Variants in KCNIP4 observed in about 807,000 individuals in gnomAD.
The protein encoded by KCNIP4 is Kv channel-interacting protein 4.
A neutral mutation model predicts 34.0 loss-of-function variants in KCNIP4; 12 were observed. The ratio of observed to expected loss-of-function variants is 0.35; its 90% CI spans 0.23 to 0.57. The LOEUF (loss-of-function observed/expected upper bound fraction) is 0.57. Among genes scored for constraint, KCNIP4 ranks in the 20% least tolerant of loss-of-function variants. The probability of loss-of-function intolerance (pLI) is 0.83; values close to 1 mark genes in which losing one functional copy is unlikely to be tolerated. For missense variants in KCNIP4, 238 were observed against 311.7 expected, an observed-to-expected ratio of 0.76 and a Z score of 1.78; for synonymous variants, 124 against 102.2, an observed-to-expected ratio of 1.21 and a Z score of -1.29.
chr4:21,722,497 G>A (rs1714887140), intron 1 of KCNIP4, among the ~76,000 whole-genome samples: 1 of 152,134 alleles, frequency 6.6e-6, no homozygotes, highest in Admixed American at 6.6e-5. Context: ...AATGAGCAAG[G>A]AGAGAAAATG....
rs924069866 is a variant in KCNIP4, at chr4:20,911,941, A to G, written c.62-29232T>C. On this transcript the variant is annotated intron_variant, in intron 1 of 8. Transcript: ENST00000382152. ...ATACCACACTGAAATTTCTGAAGCA[A>G]TAATCTGATCACTTTTTAATCCAGC... Among the ~76,000 whole-genome samples the G allele has an allele frequency of 2.0e-5, 3 of 152,180 alleles. No individual in the cohort carries two copies. In the East Asian group the frequency reaches 5.8e-4, roughly 29 times the overall value.
Position 21,127,344 on chromosome 4 carries a change from C to T in KCNIP4, c.62-244635G>A, listed in dbSNP as rs114929064. On this transcript the variant is annotated intron_variant, in intron 1 of 8. Coordinates refer to ENST00000382152, the MANE Select transcript of KCNIP4 (RefSeq NM_025221.6). ...ATCAACTCCCTAATACATCACTTGCCTTTAATTCCTTCTTTTGGGGTTTGC... is the reference window on the plus strand; with the variant it reads ...ATCAACTCCCTAATACATCACTTGCTTTTAATTCCTTCTTTTGGGGTTTGC... 3.1e-3 allele frequency among the ~76,000 whole-genome samples: 468 copies of T among 152,322 alleles called. 2 individuals carry two copies. The highest frequency in any genetic ancestry group is 0.011 in the African/African-American group (444 of 41,568).
chr4:21,751,277 C>A (rs1717134628), intron 1 of KCNIP4, among the ~76,000 whole-genome samples: 1 of 152,060 alleles, frequency 6.6e-6, no homozygotes, highest in Non-Finnish European at 1.5e-5. Flanking sequence ...TGTATGCAAA[C>A]AAACACACAA....
At chr4:21,385,977 T>C (rs1721990362) in intron 1 of KCNIP4, among the ~76,000 whole-genome samples, 1 of 152,214 alleles carries the variant, frequency 6.6e-6, no homozygotes, top group Admixed American at 6.6e-5. Flanking sequence ...CATGGGAACT[T>C]GATGATCTAA....
chr4:21,467,259 GGTTT>G (rs1285876986), intron 1 of KCNIP4, among the ~76,000 whole-genome samples: 11 of 152,050 alleles, frequency 7.2e-5, no homozygotes, highest in Admixed American at 6.6e-4. Context: ...AAGGCATTTT[GGTTT>G]GTTTGTATAA....
intron 1 of KCNIP4, among the ~76,000 whole-genome samples, chr4:21,580,231 T>A (rs1321771177): frequency 6.6e-6 from 1 of 152,078 alleles, no homozygotes; most frequent in African/African-American, 2.4e-5. Context: ...CAGAGACTCT[T>A]TTAGGCCTTA....
intron 1 of KCNIP4, among the ~76,000 whole-genome samples, chr4:21,220,253 G>A (rs927338404): frequency 5.3e-5 from 8 of 152,064 alleles, no homozygotes; most frequent in Admixed American, 5.2e-4. Flanking sequence ...CTCTAACCAT[G>A]GGCACAAATT....
chr4:20,980,080 T>G (rs1357276708), intron 1 of KCNIP4, among the ~76,000 whole-genome samples: 4 of 152,222 alleles, frequency 2.6e-5, no homozygotes, highest in African/African-American at 9.6e-5. Flanking sequence ...CCATTAAACC[T>G]TCTCTGGAGT....
At chr4:21,399,568 T>C (rs904187177) in intron 1 of KCNIP4, among the ~76,000 whole-genome samples, 1 of 151,894 alleles carries the variant, frequency 6.6e-6, no homozygotes, top group Non-Finnish European at 1.5e-5. Flanking sequence ...CAGTTTGAAC[T>C]GGCTTTTAAG....
At chr4:21,763,004 G>A in intron 1 of KCNIP4, 1 of 1,288,722 alleles carries the variant, frequency 7.8e-7, no homozygotes, top group Non-Finnish European at 1.0e-6. Flanking sequence ...GACAGCACTT[G>A]GTACACAGCG....
At chr4:21,513,013 G>T (rs534686644) in intron 1 of KCNIP4, among the ~76,000 whole-genome samples, 1 of 152,072 alleles carries the variant, frequency 6.6e-6, no homozygotes. Context: ...TGGAGTAAGC[G>T]GAAGATAAAT....
chr4:21,614,440 A>G (rs1744423523), intron 1 of KCNIP4, among the ~76,000 whole-genome samples: 1 of 150,364 alleles, frequency 6.7e-6, no homozygotes, highest in South Asian at 2.1e-4. Context: ...CCCAGCTGGA[A>G]AGATAAAGGG....
intron 1 of KCNIP4, among the ~76,000 whole-genome samples, chr4:21,788,651 G>T (rs115298696): frequency 1.1e-3 from 172 of 152,244 alleles, no homozygotes; most frequent in Non-Finnish European, 5.0e-4. Context: ...TACAAATACT[G>T]ATGTTTTAGT....
intron 1 of KCNIP4, among the ~76,000 whole-genome samples, chr4:21,313,528 C>T (rs1215449022): frequency 6.6e-6 from 1 of 152,060 alleles, no homozygotes; most frequent in African/African-American, 2.4e-5. Flanking sequence ...AATAAAAAAC[C>T]TATGATAACC....
chr4:21,876,791 G>A (rs1374805637), intron 1 of KCNIP4, among the ~76,000 whole-genome samples: 1 of 151,928 alleles, frequency 6.6e-6, no homozygotes, highest in Non-Finnish European at 1.5e-5. Context: ...AAAGAAAATG[G>A]TAGGACTATA....
intron 1 of KCNIP4, among the ~76,000 whole-genome samples, chr4:21,490,751 T>C (rs749244036): frequency 6.6e-6 from 1 of 152,198 alleles, no homozygotes; most frequent in Non-Finnish European, 1.5e-5. Context: ...TAAGGCTTAG[T>C]ACAGCTTGAT....
rs73101722 is a variant in KCNIP4 at position 21,031,863 on chromosome 4, A to G, written c.62-149154T>C. Among the ~76,000 whole-genome samples the G allele has an allele frequency of 3.3e-3, 500 of 152,332 alleles. 6 individuals are homozygous for G. The highest frequency in any genetic ancestry group is 0.011 in the African/African-American group (468 of 41,582). On this transcript the variant is annotated intron_variant, in intron 1 of 8. Coordinates refer to ENST00000382152, the MANE Select transcript of KCNIP4 (RefSeq NM_025221.6). ...AACTTCTAAAGCAAAGCTTTTCTAT[A>G]AAATGCCAGATAGAAAATATTTTAG...
At chr4:21,383,764 A>G (rs1560351461) in intron 1 of KCNIP4, among the ~76,000 whole-genome samples, 1 of 152,122 alleles carries the variant, frequency 6.6e-6, no homozygotes, top group Non-Finnish European at 1.5e-5. Flanking sequence ...ACGCTGTATC[A>G]CCACAACACC....
rs568737077 is a variant in KCNIP4 at position 21,714,971 on chromosome 4, T to C, written c.61+233600A>G. On this transcript the variant is annotated intron_variant, in intron 1 of 8. Transcript: ENST00000382152. ...TTTATTTTATTTTATTTTATTTTAT[T>C]TTATTTTATTTTATTTTATTTTATT... 3.2e-3 allele frequency among the ~76,000 whole-genome samples: 2 copies of C among 622 alleles called. 1 individual carries two copies. Among genetic ancestry groups the C allele is most frequent in the Non-Finnish European group, 4.1e-3 (2 of 486 alleles). The allele number at this position is 622 out of a possible 152,430, so 0.4% of individuals were successfully genotyped here. A position where few individuals can be genotyped will look rare whatever the true frequency, so the allele number is the denominator to read the frequency against.
Sources: gnomAD v4.1 joint callset for allele counts (sites outside exome capture counted in the v4.1 genomes callset) on GRCh38, gnomAD v4.1.1 for gene constraint, MANE v1.5 for transcripts, NCBI Gene and HGNC (gene_info 2026-07-23, HGNC 2026-07-21) for gene names.